The following PHF12 variants were observed in gnomAD, a reference collection of about 807,000 sequenced individuals.
The protein encoded by PHF12 is PHD factor 1.
A neutral mutation model predicts 99.8 loss-of-function variants in PHF12; 6 were observed. The ratio of observed to expected loss-of-function variants is 0.06; its 90% CI spans 0.03 to 0.12. PHF12 has a LOEUF of 0.12. PHF12 is among the 10% of genes least tolerant of loss of function. PHF12 has a pLI of 1.00. For synonymous variants in PHF12, 480 were observed against 514.9 expected (o/e 0.93, Z 0.92); for missense variants, 954 against 1,300.1 (o/e 0.73, Z 4.09).
chr17:28,919,466 C>T (rs925549530), intron 5 of PHF12, among the ~76,000 whole-genome samples, 191 bp from the exon 6 acceptor site: 2 of 152,200 alleles, frequency 1.3e-5, no homozygotes, highest in Non-Finnish European at 2.9e-5. Context: ...GGTGCGATGG[C>T]TCACGCCTAT....
At chr17:28,910,648 C>A in intron 10 of PHF12, 1 of 499,548 alleles carries the variant, frequency 2.0e-6, no homozygotes, top group Admixed American at 3.7e-5. Flanking sequence ...GTGGAATAAA[C>A]CACTTGCCTG....
At chr17:28,926,116 T>C (rs765741718) in intron 3 of PHF12, 2 of 152,636 alleles carry the variant, frequency 1.3e-5, no homozygotes, top group Non-Finnish European at 2.9e-5. Context: ...TGAACCCTTA[T>C]GCACGTATTT....
intron 2 of PHF12, chr17:28,944,503 C>T (rs992064966): frequency 5.1e-6 from 5 of 983,778 alleles, no homozygotes; most frequent in South Asian, 4.7e-5. Flanking sequence ...TGAACATTAC[C>T]GTATCTTCCA....
At chr17:28,946,133 GAAAAAC>G (rs1000336892) in intron 2 of PHF12, among the ~76,000 whole-genome samples, 1 of 152,090 alleles carries the variant, frequency 6.6e-6, no homozygotes, top group Admixed American at 6.5e-5. Flanking sequence ...CTCCGTCTCA[GAAAAAC>G]AAAAACAAAA....
chr17:28,922,856 G>T (rs1310499800), intron 4 of PHF12, among the ~76,000 whole-genome samples: 1 of 152,084 alleles, frequency 6.6e-6, no homozygotes, highest in Non-Finnish European at 1.5e-5. Context: ...TCTGAGGCGG[G>T]AGGATCGTGT....
Position 28,950,302 on chromosome 17 carries a change from C to T in PHF12, c.67-56G>A, listed in dbSNP as rs777869262. ...CACTCGGAGCTCCCGGGCGGTCCGT[C>T]GCCCCCCCGGCGCGGTTTCTCCGTC... On this transcript the variant is annotated intron_variant, in intron 1 of 14. Coordinates refer to ENST00000332830, the MANE Select transcript of PHF12 (RefSeq NM_001033561.2). The surrounding 1 kb of genome is among the most constrained non-coding windows in gnomAD (Gnocchi z 5.7). The T allele has an allele frequency of 6.5e-7, 1 of 1,533,146 alleles. No homozygotes were observed. The highest frequency in any genetic ancestry group is 8.8e-7 in the Non-Finnish European group (1 of 1,141,184). 95.0% of individuals were successfully genotyped at this position (1,533,146 alleles called of 1,614,324 possible). A position where few individuals can be genotyped will look rare whatever the true frequency, so the allele number is the denominator to read the frequency against.
Position 28,906,665 on chromosome 17 carries a change from G to T in PHF12, c.2681-148C>A. ...TGCTCAGAAAGGGTTGGTGGAGTCT[G>T]AAGTCCCCACAGGTGTGTACACACA... On this transcript the variant is annotated intron_variant, in intron 14 of 14. Coordinates refer to ENST00000332830, the MANE Select transcript of PHF12 (RefSeq NM_001033561.2). The surrounding 1 kb of genome is among the most constrained non-coding windows in gnomAD (Gnocchi z 4.2). 1 of 1,211,776 alleles carries T rather than the reference G, an allele frequency of 8.3e-7. No homozygotes were observed. 75.1% of individuals were successfully genotyped at this position (1,211,776 alleles called of 1,614,324 possible).
Position 28,950,772 on chromosome 17 carries a change from G to A in PHF12, c.66+123C>T. 7.2e-7 allele frequency: 1 copy of A among 1,391,866 alleles called. No individual in the cohort carries two copies. The highest frequency in any genetic ancestry group is 9.7e-7 in the Non-Finnish European group (1 of 1,030,760). 86.2% of individuals were successfully genotyped at this position (1,391,866 alleles called of 1,614,324 possible). A position where few individuals can be genotyped will look rare whatever the true frequency, so the allele number is the denominator to read the frequency against. On this transcript the variant is annotated intron_variant, in intron 1 of 14. Transcript: ENST00000332830. The surrounding 1 kb of genome is among the most constrained non-coding windows in gnomAD (Gnocchi z 5.7). ...TGCAAAGAGGGGAGGGAGAGGCTAG[G>A]TGAGGAAGAATCCCCCTCCCTCGGC...
At chr17:28,939,491 G>A (rs940481794) in intron 2 of PHF12, among the ~76,000 whole-genome samples, 1 of 152,214 alleles carries the variant, frequency 6.6e-6, no homozygotes, top group African/African-American at 2.4e-5. Context: ...GTTCACTGTA[G>A]AGTTTCCCTC....
rs776544473 is a variant in PHF12 at position 28,917,349 on chromosome 17, C to T, written c.1070G>A (p.Arg357Gln). 1.3e-5 allele frequency: 21 copies of T among 1,613,958 alleles called. No individual in the cohort carries two copies. Among genetic ancestry groups the T allele is most frequent in the South Asian group, 3.3e-5 (3 of 91,074 alleles). ...GTTAGGGGGGTGCTTCTTGTGGATT[C>T]GGTTCAGGAAGTCCACTTTGACGAC... The part of the protein sequence containing the change: ...QHVVKVDFLN[R>Q]IHKKHPPNRR... The change falls in exon 7 of 15, where the codon CGA (arginine) becomes CAA (glutamine). Residue 357 changes from arginine (R) to glutamine (Q), a missense_variant. This residue lies in a region of PHF12 where 85 missense variants were observed against 196.6 expected (regional missense o/e 0.43). Transcript: ENST00000332830.
chr17:28,913,309 A>C (rs1197603073), intron 8 of PHF12, 32 bp from the exon 9 acceptor site: 2 of 1,574,342 alleles, frequency 1.3e-6, no homozygotes, highest in Non-Finnish European at 1.7e-6. Flanking sequence ...GGGGGGTGAG[A>C]AGCCTGAGAG....
chr17:28,910,997 T>C, intron 10 of PHF12, 115 bp downstream of exon 10: 15 of 1,412,020 alleles, frequency 1.1e-5, no homozygotes, highest in Non-Finnish European at 1.3e-5. Flanking sequence ...CATCTCCCCC[T>C]AGGCCTCTGG....
chr17:28,936,152 G>A (rs1164084400), intron 2 of PHF12, among the ~76,000 whole-genome samples: 1 of 152,208 alleles, frequency 6.6e-6, no homozygotes, highest in Non-Finnish European at 1.5e-5. Flanking sequence ...TGGTTGATCT[G>A]AGTCTAACCT....
At chr17:28,935,855 A>G (rs2040499655) in intron 2 of PHF12, among the ~76,000 whole-genome samples, 1 of 152,204 alleles carries the variant, frequency 6.6e-6, no homozygotes, top group African/African-American at 2.4e-5. Context: ...TGAGAAGGTT[A>G]TCTAGATCAG....
At position 28,920,813 on chromosome 17, in the gene PHF12, G is replaced by T. The variant is rs546048375; in HGVS notation, c.836+875C>A. Among the ~76,000 whole-genome samples, 3 of 152,204 alleles carry T rather than the reference G, an allele frequency of 2.0e-5. No individual in the cohort carries two copies. The South Asian group carries it at 6.2e-4, about 32-fold the overall frequency. ...CCTGACCTCATGATCTGCCCGCCTC[G>T]GCCTCCCAAAGTGTTGGGATTACAG... On this transcript the variant is annotated intron_variant, in intron 5 of 14. Coordinates refer to ENST00000332830, the MANE Select transcript of PHF12 (RefSeq NM_001033561.2).
chr17:28,912,767 CAAT>C lies in PHF12; in HGVS notation c.1801_1803del (p.Ile601del), dbSNP rs1324312002. ...GGGCCAGTGGCATTCTCTGTCTTCA[CAAT>C]GATGCCGACGGTGTGGTTCTGAAGG... On this transcript the variant is annotated inframe_deletion, in exon 9 of 15. Coordinates refer to ENST00000332830, the MANE Select transcript of PHF12 (RefSeq NM_001033561.2). 1.2e-6 allele frequency: 2 copies of C among 1,613,818 alleles called. No homozygotes were observed. Among genetic ancestry groups the C allele is most frequent in the African/African-American group, 1.3e-5 (1 of 74,940 alleles).
chr17:28,940,337 G>GAAACTACTTAA (rs2040591049), intron 2 of PHF12, among the ~76,000 whole-genome samples: 1 of 152,226 alleles, frequency 6.6e-6, no homozygotes, highest in Non-Finnish European at 1.5e-5. Flanking sequence ...GTAGTTTAGT[G>GAAACTACTTAA]AGCATTTATG....
chr17:28,914,757 C>A (rs1472554646), intron 7 of PHF12, among the ~76,000 whole-genome samples: 1 of 147,112 alleles, frequency 6.8e-6, no homozygotes, highest in Non-Finnish European at 1.5e-5. Context: ...CAGTTTCCTT[C>A]ATCCATTCAT....
At position 28,923,653 on chromosome 17, in the gene PHF12, CAAAAAAAA is replaced by C. The variant is rs35263191; in HGVS notation, c.715+248_715+255del. Reference sequence around the variant, plus strand: ...AGCCTGAGTGACAAAGTGAGACTCACAAAAAAAAAAAAAAAAAAAAAAGGAAAAAGATA... The same window carrying C: ...AGCCTGAGTGACAAAGTGAGACTCACAAAAAAAAAAAAAAGGAAAAAGATA... On this transcript the variant is annotated intron_variant, in intron 4 of 14. Coordinates refer to ENST00000332830, the MANE Select transcript of PHF12 (RefSeq NM_001033561.2). Among the ~76,000 whole-genome samples the C allele has an allele frequency of 8.3e-4, 36 of 43,490 alleles. 1 individual carries two copies. In the South Asian group the frequency reaches 9.5e-3, roughly 12 times the overall value. 28.5% of individuals were successfully genotyped at this position (43,490 alleles called of 152,430 possible). A position where few individuals can be genotyped will look rare whatever the true frequency, so the allele number is the denominator to read the frequency against.
Sources: allele counts gnomAD v4.1 joint callset (sites outside exome capture counted in the v4.1 genomes callset), GRCh38; gene constraint gnomAD v4.1.1; regional missense constraint gnomAD v4.1.1; non-coding constraint Gnocchi (gnomAD v3.1); transcripts MANE v1.5; gene names NCBI Gene and HGNC (gene_info 2026-07-23, HGNC 2026-07-21).